The following TAB2 variants were observed in gnomAD, a reference collection of about 807,000 sequenced individuals.
TAB2 encodes TGF-beta activated kinase 1 (MAP3K7) binding protein 2, also known as TGF-beta-activated kinase 1 and MAP3K7-binding protein 2.
Under a neutral mutation model 65.0 loss-of-function variants are expected in TAB2, and 3 were observed. That is an observed-to-expected ratio of 0.05 (90% CI 0.02 to 0.12). TAB2 has a LOEUF of 0.12. Among genes scored for constraint, TAB2 ranks in the 10% least tolerant of loss-of-function variants. TAB2 has a pLI of 1.00. For synonymous variants in TAB2, 298 were observed against 285.1 expected (o/e 1.05, Z -0.46); for missense variants, 623 against 840.3 (o/e 0.74, Z 3.20).
At chr6:149,224,190 C>T (rs1051350346) in intron 1 of TAB2, among the ~76,000 whole-genome samples, 4 of 152,122 alleles carry the variant, frequency 2.6e-5, no homozygotes, top group African/African-American at 4.8e-5. Context: ...GCCCATGAGT[C>T]GGGAAGGGTG....
intron 1 of TAB2, among the ~76,000 whole-genome samples, chr6:149,280,584 T>C (rs559461637): frequency 3.3e-5 from 5 of 152,294 alleles, no homozygotes; most frequent in African/African-American, 1.2e-4. Context: ...TGATAAAATC[T>C]ATAAAATTGT....
intron 1 of TAB2, chr6:149,346,448 C>CT (rs11399281): frequency 0.44 from 49,691 of 112,938 alleles, 11,201 homozygotes; most frequent in Middle Eastern, 0.55. Context: ...GTTGGTGAAA[C>CT]TTTTTTTTTT....
chr6:149,365,455 A>G lies in TAB2; in HGVS notation c.-89-4454A>G, dbSNP rs138486860. Among the ~76,000 whole-genome samples the G allele has an allele frequency of 6.8e-3, 1,032 of 152,116 alleles. 9 individuals are homozygous for G. Among genetic ancestry groups the G allele is most frequent in the African/African-American group, 0.024 (978 of 41,500 alleles). ...GGTTTTTTCCTCTTTCAGCACTTAT[A>G]TTATGTCATTTCACTGTCTTCTGAT... On this transcript the variant is annotated intron_variant, in intron 1 of 6. Transcript: ENST00000637181.
chr6:149,265,212 G>A (rs908019218), intron 1 of TAB2, among the ~76,000 whole-genome samples: 8 of 143,900 alleles, frequency 5.6e-5, no homozygotes, highest in African/African-American at 1.6e-4. Flanking sequence ...TTTTTTTAAA[G>A]CACAGCAGTT....
chr6:149,312,251 C>T (rs1431644040), intron 1 of TAB2, among the ~76,000 whole-genome samples: 1 of 152,214 alleles, frequency 6.6e-6, no homozygotes, highest in Admixed American at 6.5e-5. Context: ...AGCATGCGCA[C>T]ATAAATTACC....
Position 149,379,461 on chromosome 6 carries a change from A to G in TAB2, c.1546A>G (p.Arg516Gly). 2 of 1,614,214 alleles carry G rather than the reference A, an allele frequency of 1.2e-6. No homozygotes were observed. The highest frequency in any genetic ancestry group is 8.5e-7 in the Non-Finnish European group (1 of 1,180,030). Residue 516 changes from arginine (R) to glycine (G), a missense_variant, in exon 3 of 7, where the codon AGA becomes GGA. Physicochemically the swap from Arg to Gly is moderately radical, Grantham distance 125. This residue lies in a region of TAB2 where 550 missense variants were observed against 665.7 expected (regional missense o/e 0.83). Transcript: ENST00000637181. Reference sequence around the variant, plus strand: ...GGACCCTACATTAGCACATGTGGATAGAATAAGTGAAACACGGAAACTGAG... The same window carrying G: ...GGACCCTACATTAGCACATGTGGATGGAATAAGTGAAACACGGAAACTGAG... Reference protein sequence around the residue: ...LTDPTLAHVDRISETRKLSMG... With the variant: ...LTDPTLAHVDGISETRKLSMG...
chr6:149,400,400 C>T (rs141254994), intron 6 of TAB2: 68 of 1,613,872 alleles, frequency 4.2e-5, no homozygotes, highest in East Asian at 2.2e-5. Context: ...CCATGGCCAA[C>T]GAAAAGCCCA....
intron 6 of TAB2, among the ~76,000 whole-genome samples, chr6:149,406,182 A>G (rs1287186927): frequency 6.6e-6 from 1 of 152,194 alleles, no homozygotes; most frequent in Non-Finnish European, 1.5e-5. Context: ...AATACTCCAG[A>G]CTTACAATTT....
chr6:149,339,362 C>T (rs559204), intron 1 of TAB2, among the ~76,000 whole-genome samples: 18,551 of 150,228 alleles, frequency 0.12, 1,737 homozygotes, highest in East Asian at 0.52. Context: ...AGTGAGACTC[C>T]GTTTCAAAAA....
chr6:149,352,960 T>C (rs1294304111), intron 1 of TAB2, among the ~76,000 whole-genome samples: 1 of 152,102 alleles, frequency 6.6e-6, no homozygotes, highest in African/African-American at 2.4e-5. Flanking sequence ...GCTTTTAAGG[T>C]TTTGGCACCT....
At chr6:149,302,695 A>G (rs1778991175) in intron 1 of TAB2, among the ~76,000 whole-genome samples, 1 of 152,202 alleles carries the variant, frequency 6.6e-6, no homozygotes, top group Non-Finnish European at 1.5e-5. Flanking sequence ...GCAGTCTAGG[A>G]TATTACCACT....
upstream of TAB2, among the ~76,000 whole-genome samples, chr6:149,315,764 G>A (rs577986834): frequency 6.6e-6 from 1 of 152,156 alleles, no homozygotes; most frequent in East Asian, 1.9e-4. Flanking sequence ...ACTTGGGTTT[G>A]TCTGATGCTT....
At chr6:149,266,258 T>G (rs114899897) in intron 1 of TAB2, among the ~76,000 whole-genome samples, 1,915 of 152,300 alleles carry the variant, frequency 0.013, 39 homozygotes, top group African/African-American at 0.044. Context: ...TCCCAAGCAG[T>G]CACAGGTTGT....
At chr6:149,304,786 C>A (rs1176407750) in intron 1 of TAB2, among the ~76,000 whole-genome samples, 2 of 152,128 alleles carry the variant, frequency 1.3e-5, no homozygotes, top group South Asian at 2.1e-4. Context: ...CCCACAGTAT[C>A]CTGGGAGGAT....
intron 1 of TAB2, among the ~76,000 whole-genome samples, chr6:149,254,081 GGAA>G (rs1777944743): frequency 9.0e-6 from 1 of 111,000 alleles, no homozygotes; most frequent in Non-Finnish European, 2.0e-5. Flanking sequence ...AAGGAAGGAA[GGAA>G]GGAAGGAAGG....
chr6:149,395,902 T>G (rs1486895329), intron 3 of TAB2, among the ~76,000 whole-genome samples: 2 of 152,208 alleles, frequency 1.3e-5, no homozygotes, highest in African/African-American at 4.8e-5. Context: ...CTTCTAAAAT[T>G]TGTTACTTCC....
At chr6:149,363,484 T>C (rs1255271126) in intron 1 of TAB2, among the ~76,000 whole-genome samples, 1 of 152,214 alleles carries the variant, frequency 6.6e-6, no homozygotes, top group Non-Finnish European at 1.5e-5. Context: ...TTTACATGTT[T>C]TCTTTCTTAA....
At chr6:149,406,177 T>G (rs1782657916) in intron 6 of TAB2, among the ~76,000 whole-genome samples, 1 of 152,226 alleles carries the variant, frequency 6.6e-6, no homozygotes, top group Non-Finnish European at 1.5e-5. Flanking sequence ...CAATAAATAC[T>G]CCAGACTTAC....
At chr6:149,329,037 A>G (rs1779703986) in intron 1 of TAB2, among the ~76,000 whole-genome samples, 2 of 152,164 alleles carry the variant, frequency 1.3e-5, no homozygotes, top group South Asian at 2.1e-4. Context: ...TCTACAGTGC[A>G]TTAGGTACCA....
Sources: gnomAD v4.1 joint callset for allele counts (sites outside exome capture counted in the v4.1 genomes callset) on GRCh38, gnomAD v4.1.1 for gene constraint, gnomAD v4.1.1 regional missense constraint, MANE v1.5 for transcripts, NCBI Gene and HGNC (gene_info 2026-07-23, HGNC 2026-07-21) for gene names.